Variants in GCNT1 observed in about 807,000 individuals in gnomAD.
GCNT1 encodes the protein beta-1,3-galactosyl-O-glycosyl-glycoprotein beta-1,6-N-acetylglucosaminyltransferase.
A neutral mutation model predicts 26.2 loss-of-function variants in GCNT1; 16 were observed. The ratio of observed to expected loss-of-function variants is 0.61; its 90% CI spans 0.41 to 0.93. GCNT1 has a LOEUF of 0.93. Ranked by LOEUF, GCNT1 falls within the 40% of genes least tolerant of loss-of-function variation. The probability of loss-of-function intolerance (pLI) is 0.00; values close to 1 mark genes in which losing one functional copy is unlikely to be tolerated. For synonymous variants in GCNT1, 183 were observed against 190.8 expected (o/e 0.96, Z 0.34); for missense variants, 477 against 526.7 (o/e 0.91, Z 0.92).
At chr9:76,394,083 C>T in the GCNT1 span, 80 of 1,598,374 alleles carry the variant, frequency 5.0e-5, no homozygotes, top group Admixed American at 2.1e-4. Flanking sequence ...GGCCGCCCTG[C>T]TCTCACCTGT....
the GCNT1 span, among the ~76,000 whole-genome samples, chr9:76,396,782 G>A: frequency 1.3e-5 from 2 of 152,210 alleles, no homozygotes; most frequent in Non-Finnish European, 2.9e-5. Context: ...CAGTTGCAGT[G>A]AGCTGGAGAT....
chr9:76,456,127 T>C (rs1016526207), upstream of GCNT1, among the ~76,000 whole-genome samples: 4 of 152,224 alleles, frequency 2.6e-5, no homozygotes, highest in African/African-American at 4.8e-5. Flanking sequence ...TTCTGCTTTG[T>C]GAGCCAGGGC....
chr9:76,423,730 C>G (rs947833486), intron 1 of GCNT1, among the ~76,000 whole-genome samples: 5 of 152,144 alleles, frequency 3.3e-5, no homozygotes, highest in African/African-American at 1.2e-4. Context: ...AACAACTCTT[C>G]TAGGAATAAT....
chr9:76,502,808 A>G lies in GCNT1; in HGVS notation c.427A>G (p.Ile143Val), dbSNP rs1469506041. The G allele has an allele frequency of 1.9e-6, 3 of 1,614,178 alleles. No individual in the cohort carries two copies. The highest frequency in any genetic ancestry group is 2.5e-6 in the Non-Finnish European group (3 of 1,180,002). ...IEMLDRLLRA[I>V]YMPQNFYCIH... is the part of the protein sequence containing the mutation. Reference sequence around the variant, plus strand: ...AATGCTTGACAGGCTGCTGAGGGCCATCTATATGCCTCAGAATTTCTATTG... The same window carrying G: ...AATGCTTGACAGGCTGCTGAGGGCCGTCTATATGCCTCAGAATTTCTATTG... Residue 143 changes from isoleucine to valine, a missense_variant, in exon 4 of 4, where the codon ATC becomes GTC. By Grantham distance (29) the Ile-to-Val change is conservative. Transcript: ENST00000376730.
intron 2 of GCNT1, among the ~76,000 whole-genome samples, chr9:76,464,226 T>C (rs1823946649): frequency 6.6e-6 from 1 of 152,114 alleles, no homozygotes. Flanking sequence ...TTTGTTTGTT[T>C]GTTTGTTGCA....
the GCNT1 span, among the ~76,000 whole-genome samples, chr9:76,407,590 G>A: frequency 1.1e-4 from 17 of 152,228 alleles, no homozygotes; most frequent in African/African-American, 3.9e-4. Flanking sequence ...TGATTATGTT[G>A]GCTATTCTGG....
chr9:76,440,328 A>G (rs546154726), upstream of GCNT1, among the ~76,000 whole-genome samples: 4 of 152,302 alleles, frequency 2.6e-5, no homozygotes, highest in East Asian at 7.7e-4. Context: ...AAAGGAATTA[A>G]ATTGAAGACT....
intron 2 of GCNT1, among the ~76,000 whole-genome samples, chr9:76,465,155 G>GTTTTTTTTTTT (rs374781585): frequency 6.9e-6 from 1 of 144,998 alleles, no homozygotes. Context: ...TCTGATTTGA[G>GTTTTTTTTTTT]TTTTTTTTTT....
chr9:76,504,822 T>C lies in GCNT1; in HGVS notation c.*1154T>C, dbSNP rs1825193477. On this transcript the variant is annotated 3_prime_UTR_variant, in exon 4 of 4. Transcript: ENST00000376730. Reference sequence around the variant, plus strand: ...CCCCCTGGGTGGTAAGTTTCCTCCTTTCTCAACCTTCCACGAGGAGGAAAG... The same window carrying C: ...CCCCCTGGGTGGTAAGTTTCCTCCTCTCTCAACCTTCCACGAGGAGGAAAG... 3 of 413,404 alleles carry C rather than the reference T, an allele frequency of 7.3e-6. No individual in the cohort carries two copies. The highest frequency in any genetic ancestry group is 2.5e-4 in the South Asian group (2 of 7,858). The allele number at this position is 413,404 out of a possible 1,614,324, so 25.6% of individuals were successfully genotyped here. A position where few individuals can be genotyped will look rare whatever the true frequency, so the allele number is the denominator to read the frequency against.
intron 2 of GCNT1, among the ~76,000 whole-genome samples, chr9:76,484,165 G>C (rs1296368310): frequency 6.6e-6 from 1 of 152,178 alleles, no homozygotes; most frequent in Non-Finnish European, 1.5e-5. Flanking sequence ...AGGCTTGCTT[G>C]AGGCCAGGAA....
chr9:76,451,847 A>G (rs746652754), intron 1 of GCNT1, among the ~76,000 whole-genome samples: 7 of 152,094 alleles, frequency 4.6e-5, no homozygotes, highest in Non-Finnish European at 1.0e-4. Flanking sequence ...ATATACCAGC[A>G]TATTGTAGCA....
intron 1 of GCNT1, among the ~76,000 whole-genome samples, chr9:76,447,297 T>C (rs1823593313): frequency 6.6e-6 from 1 of 151,862 alleles, no homozygotes; most frequent in African/African-American, 2.4e-5. Context: ...TGGAGTGCAG[T>C]GGCTTGATCA....
intron 2 of GCNT1, among the ~76,000 whole-genome samples, chr9:76,495,068 A>G (rs1288135278): frequency 1.3e-5 from 2 of 152,142 alleles, no homozygotes; most frequent in African/African-American, 2.4e-5. Context: ...ATAGGTGCCC[A>G]GTATTTAGCC....
At chr9:76,423,888 T>C (rs1258006191) in intron 1 of GCNT1, among the ~76,000 whole-genome samples, 2 of 152,242 alleles carry the variant, frequency 1.3e-5, no homozygotes, top group African/African-American at 4.8e-5. Context: ...AAATAATTTG[T>C]TAGATCAAAG....
At chr9:76,451,299 G>C (rs1823660879) in intron 1 of GCNT1, among the ~76,000 whole-genome samples, 1 of 152,180 alleles carries the variant, frequency 6.6e-6, no homozygotes, top group Admixed American at 6.5e-5. Context: ...GATGAGGAGA[G>C]CTCTTTAGCC....
the GCNT1 span, among the ~76,000 whole-genome samples, chr9:76,400,042 C>T: frequency 1.3e-5 from 2 of 152,116 alleles, no homozygotes; most frequent in African/African-American, 4.8e-5. Flanking sequence ...AGACAGTAAA[C>T]AGATCAGTGG....
At chr9:76,399,018 C>A in the GCNT1 span, 16 of 1,586,246 alleles carry the variant, frequency 1.0e-5, no homozygotes, top group East Asian at 1.3e-4. Context: ...ACTCCTGGAA[C>A]CTTCACTAAC....
At chr9:76,477,837 C>T (rs1251283200) in intron 2 of GCNT1, among the ~76,000 whole-genome samples, 1 of 152,182 alleles carries the variant, frequency 6.6e-6, no homozygotes, top group East Asian at 1.9e-4. Flanking sequence ...TCTGCCTCTG[C>T]GCATTTGACT....
the GCNT1 span, among the ~76,000 whole-genome samples, chr9:76,409,081 C>A: frequency 1.3e-5 from 2 of 151,960 alleles, no homozygotes. Context: ...TTTATCTGGG[C>A]CTGGTGTTTT....
Sources: allele counts gnomAD v4.1 joint callset (sites outside exome capture counted in the v4.1 genomes callset), GRCh38; gene constraint gnomAD v4.1.1; transcripts MANE v1.5; gene names NCBI Gene and HGNC (gene_info 2026-07-23, HGNC 2026-07-21).